Variants in SCUBE3 observed in about 807,000 individuals in gnomAD.
SCUBE3 encodes signal peptide, CUB domain and EGF like domain containing 3.
In SCUBE3, 33 loss-of-function variants were observed where a neutral mutation model predicts 116.8. The ratio of observed to expected loss-of-function variants is 0.28; its 90% CI spans 0.21 to 0.38. The LOEUF is 0.38. Among genes scored for constraint, SCUBE3 ranks in the 10% least tolerant of loss-of-function variants. SCUBE3 has a pLI of 1.00. For synonymous variants in SCUBE3, 418 were observed against 496.9 expected, an observed-to-expected ratio of 0.84 and a Z score of 2.11; for missense variants, 1,007 against 1,324.8, an observed-to-expected ratio of 0.76 and a Z score of 3.72.
intron 1 of SCUBE3, 85 bp from the exon 2 acceptor site, chr6:35,227,495 G>C (rs1783375312): frequency 4.2e-6 from 6 of 1,443,110 alleles, no homozygotes; most frequent in Non-Finnish European, 5.8e-6. Flanking sequence ...GAGAAGAGGG[G>C]ATTCTGCCCT....
Position 35,236,771 on chromosome 6 carries a change from C to G in SCUBE3, c.713-1131C>G, listed in dbSNP as rs181155428. Among the ~76,000 whole-genome samples, 9 of 152,294 alleles carry G rather than the reference C, an allele frequency of 5.9e-5. No individual in the cohort carries two copies. The East Asian group carries it at 1.7e-3, about 29-fold the overall frequency. On this transcript the variant is annotated intron_variant, in intron 6 of 21. Transcript: ENST00000274938. Reference sequence around the variant, plus strand: ...ATTCAATTCCCTTGATTCTGAGAACCATTCTTCTATCTTCCCTAGTGGAGG... The same window carrying G: ...ATTCAATTCCCTTGATTCTGAGAACGATTCTTCTATCTTCCCTAGTGGAGG...
chr6:35,242,470 C>A, intron 13 of SCUBE3, 150 bp downstream of exon 13: 1 of 897,404 alleles, frequency 1.1e-6, no homozygotes, highest in African/African-American at 1.7e-5. Context: ...CCAAGGAAGT[C>A]CCAGAATATT....
chr6:35,249,066 T>C lies in SCUBE3; in HGVS notation c.*361T>C, dbSNP rs1391420135. ...GGGTGCTAGAGGCCCATCAAGGAAG[T>C]GGGTCTGGTGGGAAACGGGGAGGGG... On this transcript the variant is annotated 3_prime_UTR_variant, in exon 22 of 22. Transcript: ENST00000274938. 1.6e-5 allele frequency: 3 copies of C among 187,404 alleles called. No homozygotes were observed. Among genetic ancestry groups the C allele is most frequent in the African/African-American group, 7.1e-5 (3 of 42,252 alleles). 11.6% of individuals were successfully genotyped at this position (187,404 alleles called of 1,614,324 possible).
chr6:35,239,974 C>T lies in SCUBE3; in HGVS notation c.952+100C>T. 1 of 1,035,350 alleles carries T rather than the reference C, an allele frequency of 9.7e-7. No homozygotes were observed. Among genetic ancestry groups the T allele is most frequent in the Non-Finnish European group, 1.4e-6 (1 of 733,738 alleles). 64.1% of individuals were successfully genotyped at this position (1,035,350 alleles called of 1,614,324 possible). A position where few individuals can be genotyped will look rare whatever the true frequency, so the allele number is the denominator to read the frequency against. ...AAAGTCTTAGAAACTCAATAGATAT[C>T]ACACAGAGTCTCTAGAGGCAGTGTC... On this transcript the variant is annotated intron_variant, in intron 8 of 21. Coordinates refer to ENST00000274938, the MANE Select transcript of SCUBE3 (RefSeq NM_152753.4). This position sits in a 1 kb window ranked among gnomAD's most constrained non-coding sequence, Gnocchi z 4.1.
rs1784332831 is a variant in SCUBE3, at chr6:35,246,252, C to T, written c.2799C>T (p.Leu933=). 1 of 1,613,868 alleles carries T rather than the reference C, an allele frequency of 6.2e-7. No individual in the cohort carries two copies. Among genetic ancestry groups the T allele is most frequent in the African/African-American group, 1.3e-5 (1 of 74,920 alleles). The change falls in exon 21 of 22, where the codon CTC becomes CTT. Residue 933 remains leucine (L), a synonymous_variant. Transcript: ENST00000274938. Reference sequence around the variant, plus strand: ...AAGACATTGTGCGAGATGGCCGGCTCTATGCCTCTGAAAACCACCAGGAGA... The same window carrying T: ...AAGACATTGTGCGAGATGGCCGGCTTTATGCCTCTGAAAACCACCAGGAGA... ...LVEDIVRDGR[L]YASENHQEIL...
Position 35,242,763 on chromosome 6 carries a change from G to C in SCUBE3, c.1676G>C (p.Arg559Thr), listed in dbSNP as rs1279050444. 6.2e-7 allele frequency: 1 copy of C among 1,613,670 alleles called. No individual in the cohort carries two copies. The highest frequency in any genetic ancestry group is 2.2e-5 in the East Asian group (1 of 44,860). ...ACCCTGGAACTGGAGGCAGAGGTCA[G>C]AGCCGAAGAAACCACAGGTGGGACT... ...RLTLELEAEV[R>T]AEETTASCGL... The change falls in exon 14 of 22, where the codon AGA becomes ACA. Residue 559 changes from arginine (R) to threonine (T), a missense_variant. Transcript: ENST00000274938.
chr6:35,244,517 T>C lies in SCUBE3; in HGVS notation c.2240-133T>C, dbSNP rs749891384. The stretch of plus-strand genomic sequence containing the variant: ...TAAATTCTGGCATGACTGGGAAAGA[T>C]TGAGACCCTAGAAAAGAACTTTGAT... On this transcript the variant is annotated intron_variant, in intron 17 of 21. Coordinates refer to ENST00000274938, the MANE Select transcript of SCUBE3 (RefSeq NM_152753.4). The surrounding 1 kb of genome is among the most constrained non-coding windows in gnomAD (Gnocchi z 4.3). 44 of 773,750 alleles carry C rather than the reference T, an allele frequency of 5.7e-5. No homozygotes were observed. Among genetic ancestry groups the C allele is most frequent in the South Asian group, 2.0e-4 (12 of 59,990 alleles). The allele number at this position is 773,750 out of a possible 1,614,324, so 47.9% of individuals were successfully genotyped here.
In SCUBE3 at chr6:35,233,655, C is replaced by A. The variant is rs149145722; in HGVS notation, c.712+354C>A. 2.9e-3 allele frequency among the ~76,000 whole-genome samples: 444 copies of A among 152,270 alleles called. 3 individuals carry two copies. The highest frequency in any genetic ancestry group is 9.9e-3 in the African/African-American group (411 of 41,540). ...TGGGAAGAGATCTGGGGAAATGCAT[C>A]TGCTTAGGCCTGACCAGAGGCCCTT... On this transcript the variant is annotated intron_variant, in intron 6 of 21. Transcript: ENST00000274938. This position sits in a 1 kb window ranked among gnomAD's most constrained non-coding sequence, Gnocchi z 5.7.
chr6:35,227,353 C>T (rs1016342302), intron 1 of SCUBE3, among the ~76,000 whole-genome samples: 1 of 152,158 alleles, frequency 6.6e-6, no homozygotes, highest in South Asian at 2.1e-4. Context: ...TTTTAGCTGT[C>T]ACTGTGAATT....
chr6:35,243,747 C>T lies in SCUBE3; in HGVS notation c.2063C>T (p.Thr688Met), dbSNP rs763759378. 3.2e-5 allele frequency: 51 copies of T among 1,613,792 alleles called. No individual in the cohort carries two copies. The highest frequency in any genetic ancestry group is 5.5e-5 in the South Asian group (5 of 91,072). Reference sequence around the variant, plus strand: ...CCTCTTGGAGCCACCAACGTCACCACGTGTGCAGGTGCCAGGGGAACAAAC... The same window carrying T: ...CCTCTTGGAGCCACCAACGTCACCATGTGTGCAGGTGCCAGGGGAACAAAC... ...HGPLGATNVT[T>M]CAGQCPPGQH... The change falls in exon 16 of 22, where the codon ACG becomes ATG. Residue 688 changes from threonine (T) to methionine (M), a missense_variant. Thr to Met is a moderately conservative substitution (Grantham distance 81). This residue lies in a region of SCUBE3 where 544 missense variants were observed against 638.9 expected (regional missense o/e 0.85). Coordinates refer to ENST00000274938, the MANE Select transcript of SCUBE3 (RefSeq NM_152753.4). The surrounding 1 kb of genome is among the most constrained non-coding windows in gnomAD (Gnocchi z 6.6).
rs993800083 is a variant in SCUBE3, at chr6:35,235,396, A to G, written c.712+2095A>G. 1.3e-5 allele frequency: 13 copies of G among 1,013,230 alleles called. No homozygotes were observed. The African/African-American group carries it at 1.8e-4, about 14-fold the overall frequency. 62.8% of individuals were successfully genotyped at this position (1,013,230 alleles called of 1,614,324 possible). ...GGGAGGGGTCCGGGGCCAGAGGGCC[A>G]CAGTGGCTTCTGCCCAGCACCTAAA... is the stretch of plus-strand genomic sequence containing the variant. On this transcript the variant is annotated intron_variant, in intron 6 of 21. Coordinates refer to ENST00000274938, the MANE Select transcript of SCUBE3 (RefSeq NM_152753.4). The surrounding 1 kb of genome is among the most constrained non-coding windows in gnomAD (Gnocchi z 4.5).
At chr6:35,236,135 A>G (rs1783761250) in intron 6 of SCUBE3, among the ~76,000 whole-genome samples, 1 of 152,214 alleles carries the variant, frequency 6.6e-6, no homozygotes, top group Admixed American at 6.5e-5. Context: ...AATGCTTGAG[A>G]TAGTGCATGT....
At chr6:35,238,633 T>C (rs1222144804) in intron 7 of SCUBE3, among the ~76,000 whole-genome samples, 1 of 152,210 alleles carries the variant, frequency 6.6e-6, no homozygotes, top group Non-Finnish European at 1.5e-5. Flanking sequence ...ACATAAAAAG[T>C]ACTTAGAACA....
rs1467849134 is a variant in SCUBE3 at position 35,248,539 on chromosome 6, C to T, written c.2833-17C>T. On this transcript the variant is annotated splice_polypyrimidine_tract_variant and intron_variant, in intron 21 of 21. Coordinates refer to ENST00000274938, the MANE Select transcript of SCUBE3 (RefSeq NM_152753.4). ...CCCGACGGTGAGGCTGACATTGCTC[C>T]CTGCCATCCTTTGCAGGACAAGAAG... The T allele has an allele frequency of 8.7e-6, 14 of 1,613,538 alleles. No homozygotes were observed. The highest frequency in any genetic ancestry group is 6.7e-5 in the African/African-American group (5 of 74,862).
At position 35,245,465 on chromosome 6, in the gene SCUBE3, A is replaced by AT; in HGVS notation, c.2599+40_2599+41insT. Reference sequence around the variant, plus strand: ...GAGCTGGGCCAGGGAAGGGCAGTCCAAATCTGGTTAAGGCGGAGAACAAAG... The same window carrying AT: ...GAGCTGGGCCAGGGAAGGGCAGTCCATAATCTGGTTAAGGCGGAGAACAAAG... On this transcript the variant is annotated intron_variant, in intron 19 of 21. Transcript: ENST00000274938. The surrounding 1 kb of genome is among the most constrained non-coding windows in gnomAD (Gnocchi z 4.2). 1 of 1,536,626 alleles carries AT rather than the reference A, an allele frequency of 6.5e-7. No individual in the cohort carries two copies. Among genetic ancestry groups the AT allele is most frequent in the Non-Finnish European group, 9.0e-7 (1 of 1,109,440 alleles).
intron 1 of SCUBE3, among the ~76,000 whole-genome samples, chr6:35,226,509 G>A (rs1783333888): frequency 1.3e-5 from 1 of 77,936 alleles, no homozygotes; most frequent in South Asian, 5.5e-4. Flanking sequence ...TTTTGAGATA[G>A]AGTCTCACTG....
rs533957159 is a variant in SCUBE3 at position 35,233,414 on chromosome 6, A to T, written c.712+113A>T. 7.1e-6 allele frequency: 5 copies of T among 705,668 alleles called. No homozygotes were observed. The highest frequency in any genetic ancestry group is 2.3e-5 in the Admixed American group (1 of 44,176). The allele number at this position is 705,668 out of a possible 1,614,324, so 43.7% of individuals were successfully genotyped here. On this transcript the variant is annotated intron_variant, in intron 6 of 21. Coordinates refer to ENST00000274938, the MANE Select transcript of SCUBE3 (RefSeq NM_152753.4). The surrounding 1 kb of genome is among the most constrained non-coding windows in gnomAD (Gnocchi z 5.7). Reference sequence around the variant, plus strand: ...GGGCCCAGGTGCTGGGCACAGAGGGACTGGTGAGGGAGTTAAGACCCAGAA... The same window carrying T: ...GGGCCCAGGTGCTGGGCACAGAGGGTCTGGTGAGGGAGTTAAGACCCAGAA...
At position 35,242,378 on chromosome 6, in the gene SCUBE3, C is replaced by T. The variant is rs562406150; in HGVS notation, c.1534+58C>T. On this transcript the variant is annotated intron_variant, in intron 13 of 21. Transcript: ENST00000274938. ...TCTGGCCACTAAATCCTCCTTACCC[C>T]TCAGCTCCTCTGCTTCCAAAAACCC... 2.9e-5 allele frequency: 36 copies of T among 1,232,774 alleles called. No individual in the cohort carries two copies. In the South Asian group the frequency reaches 4.0e-4, roughly 14 times the overall value. 76.4% of individuals were successfully genotyped at this position (1,232,774 alleles called of 1,614,324 possible). A position where few individuals can be genotyped will look rare whatever the true frequency, so the allele number is the denominator to read the frequency against.
At chr6:35,247,739 T>C (rs1451946057) in intron 21 of SCUBE3, among the ~76,000 whole-genome samples, 1 of 152,204 alleles carries the variant, frequency 6.6e-6, no homozygotes, top group Non-Finnish European at 1.5e-5. Context: ...CCCTACTTCT[T>C]ATTTGAAAAA....
Sources: allele counts gnomAD v4.1 joint callset (sites outside exome capture counted in the v4.1 genomes callset), GRCh38; gene constraint gnomAD v4.1.1; regional missense constraint gnomAD v4.1.1; non-coding constraint Gnocchi (gnomAD v3.1); transcripts MANE v1.5; gene names NCBI Gene and HGNC (gene_info 2026-07-23, HGNC 2026-07-21).